The following GOLPH3 variants were observed in gnomAD, a reference collection of about 807,000 sequenced individuals.
GOLPH3 encodes coat protein GPP34.
A neutral mutation model predicts 28.5 loss-of-function variants in GOLPH3; 14 were observed. The observed-to-expected ratio is 0.49, with a 90% CI of 0.32 to 0.77. The LOEUF (loss-of-function observed/expected upper bound fraction) is 0.77, where lower values mean the gene tolerates loss of function less well. GOLPH3 is among the 30% of genes least tolerant of loss of function. GOLPH3 has a pLI of 0.03. For synonymous variants in GOLPH3, 158 were observed against 159.2 expected, an observed-to-expected ratio of 0.99 and a Z score of 0.06; for missense variants, 350 against 393.7, an observed-to-expected ratio of 0.89 and a Z score of 0.94.
rs1561679223 is a variant in GOLPH3, at chr5:32,158,127, TAAAATACACAC to T, written c.226-14258_226-14248del. On this transcript the variant is annotated intron_variant, in intron 1 of 3. Transcript: ENST00000265070. ...ATAAATAAATAAATAAATAAATAAA[TAAAATACACAC>T]ACACACACACACACACACACACACA... Among the ~76,000 whole-genome samples the T allele has an allele frequency of 9.8e-4, 31 of 31,712 alleles. 3 individuals carry two copies. In the East Asian group the frequency reaches 0.014, roughly 14 times the overall value. 20.8% of individuals were successfully genotyped at this position (31,712 alleles called of 152,430 possible).
In GOLPH3 at chr5:32,125,957, A is replaced by AG; in HGVS notation, c.*254dup. 2 of 403,226 alleles carry AG rather than the reference A, an allele frequency of 5.0e-6. No individual in the cohort carries two copies. Among genetic ancestry groups the AG allele is most frequent in the Non-Finnish European group, 8.9e-6 (2 of 225,670 alleles). 25.0% of individuals were successfully genotyped at this position (403,226 alleles called of 1,614,324 possible). On this transcript the variant is annotated 3_prime_UTR_variant, in exon 4 of 4. Coordinates refer to ENST00000265070, the MANE Select transcript of GOLPH3 (RefSeq NM_022130.4). ...TCAAAGTAGACCAGAAACCCAAAAC[A>AG]GGTAACAGTGAGGATGGCAACAGGG...
intron 3 of GOLPH3, among the ~76,000 whole-genome samples, chr5:32,126,919 C>A (rs1264435098): frequency 6.6e-6 from 1 of 151,998 alleles, no homozygotes; most frequent in African/African-American, 2.4e-5. Flanking sequence ...GGAAATGAGC[C>A]AAATATTATG....
chr5:32,145,538 T>C (rs972211144), intron 1 of GOLPH3, among the ~76,000 whole-genome samples: 2 of 152,108 alleles, frequency 1.3e-5, no homozygotes, highest in African/African-American at 4.8e-5. Context: ...ATAGACAGAG[T>C]TCCTAAATGA....
At chr5:32,135,885 A>G (rs1451924750) in intron 2 of GOLPH3, among the ~76,000 whole-genome samples, 199 bp from the exon 3 acceptor site, 1 of 152,136 alleles carries the variant, frequency 6.6e-6, no homozygotes, top group African/African-American at 2.4e-5. Context: ...TAGATATAAT[A>G]ATGAATGAAA....
At chr5:32,133,608 G>C (rs1016456345) in intron 3 of GOLPH3, among the ~76,000 whole-genome samples, 1 of 152,192 alleles carries the variant, frequency 6.6e-6, no homozygotes, top group African/African-American at 2.4e-5. Flanking sequence ...AAAACATTAT[G>C]TTTACTAATA....
chr5:32,173,231 G>A (rs1448214491), intron 1 of GOLPH3, among the ~76,000 whole-genome samples: 2 of 141,644 alleles, frequency 1.4e-5, no homozygotes, highest in Non-Finnish European at 3.1e-5. Flanking sequence ...CATTTACCAG[G>A]AGGTTTCATG....
At position 32,126,299 on chromosome 5, in the gene GOLPH3, C is replaced by G; in HGVS notation, c.810G>C (p.Gln270His). 1 of 1,614,176 alleles carries G rather than the reference C, an allele frequency of 6.2e-7. No homozygotes were observed. The highest frequency in any genetic ancestry group is 1.3e-5 in the African/African-American group (1 of 75,030). ...CCACTTCAGGGTCTAAGTCGAGAAGCTGCCGCACTCTCTTGGTAGCCAAAT... is the reference window on the plus strand; with the variant it reads ...CCACTTCAGGGTCTAAGTCGAGAAGGTGCCGCACTCTCTTGGTAGCCAAAT... ...QYDLATKRVR[Q>H]LLDLDPEVEC... is the part of the protein sequence containing the mutation. Residue 270 changes from glutamine (Q) to histidine (H), a missense_variant, in exon 4 of 4, where the codon CAG (glutamine) becomes CAC (histidine). Coordinates refer to ENST00000265070, the MANE Select transcript of GOLPH3 (RefSeq NM_022130.4).
chr5:32,128,072 C>T (rs1025113986), intron 3 of GOLPH3, among the ~76,000 whole-genome samples: 1 of 152,144 alleles, frequency 6.6e-6, no homozygotes, highest in Non-Finnish European at 1.5e-5. Context: ...GGGGGACCTA[C>T]ACAGATAAAG....
intron 1 of GOLPH3, among the ~76,000 whole-genome samples, chr5:32,155,233 T>A (rs980885899): frequency 6.6e-6 from 1 of 152,212 alleles, no homozygotes; most frequent in Non-Finnish European, 1.5e-5. Flanking sequence ...TCACCCAGGC[T>A]AGAGTGCAGT....
At chr5:32,142,769 C>A (rs1746105098) in intron 2 of GOLPH3, among the ~76,000 whole-genome samples, 2 of 148,218 alleles carry the variant, frequency 1.3e-5, no homozygotes, top group Admixed American at 1.3e-4. Flanking sequence ...CCGGCCGCCC[C>A]TACTGGGAAG....
At chr5:32,171,573 C>A (rs1201838636) in intron 1 of GOLPH3, among the ~76,000 whole-genome samples, 3 of 151,578 alleles carry the variant, frequency 2.0e-5, no homozygotes, top group Non-Finnish European at 4.4e-5. Context: ...AATGTTCACT[C>A]AGGAATATGT....
At chr5:32,148,366 T>C (rs1472949468) in intron 1 of GOLPH3, among the ~76,000 whole-genome samples, 2 of 152,252 alleles carry the variant, frequency 1.3e-5, no homozygotes, top group South Asian at 2.1e-4. Context: ...GTAGTCTGTA[T>C]AGGCATAAAG....
chr5:32,156,474 GC>G (rs752803051), intron 1 of GOLPH3, among the ~76,000 whole-genome samples: 1 of 151,614 alleles, frequency 6.6e-6, no homozygotes, highest in Non-Finnish European at 1.5e-5. Flanking sequence ...CTGCACTCCA[GC>G]CTGGGTGACA....
chr5:32,139,974 T>TTA (rs1173493927), intron 2 of GOLPH3, among the ~76,000 whole-genome samples: 2 of 152,034 alleles, frequency 1.3e-5, no homozygotes, highest in Admixed American at 6.6e-5. Flanking sequence ...AGACAACTCT[T>TTA]TAAGAGTAGC....
intron 1 of GOLPH3, among the ~76,000 whole-genome samples, chr5:32,152,040 C>T (rs148965372): frequency 3.3e-5 from 5 of 152,082 alleles, no homozygotes; most frequent in South Asian, 2.1e-4. Context: ...GTGGTGATGA[C>T]GGCACAGTGT....
chr5:32,129,277 A>T (rs977463203), intron 3 of GOLPH3, among the ~76,000 whole-genome samples: 2 of 152,184 alleles, frequency 1.3e-5, no homozygotes, highest in African/African-American at 4.8e-5. Context: ...TTACTCATCT[A>T]TAAAGTGAAA....
At chr5:32,126,749 A>G (rs1745690766) in intron 3 of GOLPH3, 113 bp from the exon 4 acceptor site, 1 of 805,992 alleles carries the variant, frequency 1.2e-6, no homozygotes. Context: ...AACAGAAGAA[A>G]ATCTGCCATG....
chr5:32,143,100 A>G (rs981946567), intron 2 of GOLPH3, among the ~76,000 whole-genome samples: 6 of 152,242 alleles, frequency 3.9e-5, no homozygotes, highest in Admixed American at 1.3e-4. Flanking sequence ...ATTTTGTTCT[A>G]CACTAAGAAA....
chr5:32,125,911 A>T lies in GOLPH3; in HGVS notation c.*301T>A. The T allele has an allele frequency of 3.4e-6, 1 of 293,178 alleles. No homozygotes were observed. The highest frequency in any genetic ancestry group is 6.4e-6 in the Non-Finnish European group (1 of 156,594). The allele number at this position is 293,178 out of a possible 1,614,324, so 18.2% of individuals were successfully genotyped here. ...TCATCCAAAAGCTGTGCGTATGAGG[A>T]GGCTGGAGGTACTTTGAAAGTCAAA... On this transcript the variant is annotated 3_prime_UTR_variant, in exon 4 of 4. Coordinates refer to ENST00000265070, the MANE Select transcript of GOLPH3 (RefSeq NM_022130.4).
Sources: allele counts gnomAD v4.1 joint callset (sites outside exome capture counted in the v4.1 genomes callset), GRCh38; gene constraint gnomAD v4.1.1; transcripts MANE v1.5; gene names NCBI Gene and HGNC (gene_info 2026-07-23, HGNC 2026-07-21).